The following AKAP19 variants were observed in gnomAD, a reference collection of about 807,000 sequenced individuals.
AKAP19 encodes A-kinase anchoring protein 19, also known as small A-kinase anchoring protein.
chr2:190,051,185 C>T, the AKAP19 span, among the ~76,000 whole-genome samples: 1 of 152,192 alleles, frequency 6.6e-6, no homozygotes, highest in Non-Finnish European at 1.5e-5. Flanking sequence ...TGAGCCTCAA[C>T]TTCCTCATTT....
At chr2:190,088,859 C>T in the AKAP19 span, among the ~76,000 whole-genome samples, 2 of 152,192 alleles carry the variant, frequency 1.3e-5, no homozygotes, top group Non-Finnish European at 2.9e-5. Flanking sequence ...TGACCTAAAG[C>T]AAGTCATTTA....
At chr2:190,147,843 T>A in the AKAP19 span, among the ~76,000 whole-genome samples, 1 of 152,274 alleles carries the variant, frequency 6.6e-6, no homozygotes, top group South Asian at 2.1e-4. Context: ...AGCTACTGAT[T>A]TGTGTACATT....
the AKAP19 span, among the ~76,000 whole-genome samples, chr2:190,158,153 C>A: frequency 6.6e-6 from 1 of 152,182 alleles, no homozygotes; most frequent in Non-Finnish European, 1.5e-5. Flanking sequence ...CAATCACGAC[C>A]CTTTCATGTA....
At chr2:190,178,411 G>T in the AKAP19 span, among the ~76,000 whole-genome samples, 1 of 152,248 alleles carries the variant, frequency 6.6e-6, no homozygotes, top group Admixed American at 6.5e-5. The surrounding 1 kb of genome is among the most constrained non-coding windows in gnomAD (Gnocchi z 6.3). Flanking sequence ...ACAGAGAGGA[G>T]AGCAGAGAGG....
the AKAP19 span, among the ~76,000 whole-genome samples, chr2:189,982,094 A>G: frequency 6.6e-6 from 1 of 152,124 alleles, no homozygotes; most frequent in African/African-American, 2.4e-5. Context: ...TCCCTAAAAT[A>G]TATTTTTGAA....
the AKAP19 span, among the ~76,000 whole-genome samples, chr2:190,143,680 C>A: frequency 4.6e-5 from 7 of 151,942 alleles, no homozygotes; most frequent in Non-Finnish European, 1.0e-4. Flanking sequence ...GGTATATACC[C>A]AAAGGACTAT....
chr2:190,121,107 C>G, the AKAP19 span, among the ~76,000 whole-genome samples: 1 of 145,772 alleles, frequency 6.9e-6, no homozygotes, highest in Non-Finnish European at 1.5e-5. Flanking sequence ...AACTAAAAAT[C>G]TAAGTCTTTT....
At chr2:190,078,185 C>G in the AKAP19 span, among the ~76,000 whole-genome samples, 1 of 152,180 alleles carries the variant, frequency 6.6e-6, no homozygotes, top group Non-Finnish European at 1.5e-5. Flanking sequence ...GATGGCTTTT[C>G]TCTTAGTTTT....
chr2:189,894,051 G>C, the AKAP19 span, among the ~76,000 whole-genome samples: 3 of 152,160 alleles, frequency 2.0e-5, no homozygotes, highest in Non-Finnish European at 1.5e-5. Context: ...ACTGGTGGAA[G>C]GGTCTGGCTT....
At chr2:189,897,075 A>C in the AKAP19 span, among the ~76,000 whole-genome samples, 1 of 152,072 alleles carries the variant, frequency 6.6e-6, no homozygotes, top group Non-Finnish European at 1.5e-5. Flanking sequence ...TACTTCCTCT[A>C]TGTTGAATGG....
At chr2:190,176,886 A>G in the AKAP19 span, among the ~76,000 whole-genome samples, 19,950 of 152,256 alleles carry the variant, frequency 0.13, 2,983 homozygotes, top group African/African-American at 0.36. The surrounding 1 kb of genome is among the most constrained non-coding windows in gnomAD (Gnocchi z 4.7). Context: ...AGGTAAGTTC[A>G]CTGTTTTGGA....
At chr2:190,101,834 T>C in the AKAP19 span, among the ~76,000 whole-genome samples, 2 of 152,128 alleles carry the variant, frequency 1.3e-5, no homozygotes, top group Non-Finnish European at 2.9e-5. Context: ...ATTCAAAACT[T>C]GACCTATCTA....
chr2:190,049,944 A>T, the AKAP19 span, among the ~76,000 whole-genome samples: 4 of 152,238 alleles, frequency 2.6e-5, no homozygotes, highest in African/African-American at 7.2e-5. Flanking sequence ...TAAAAATAAT[A>T]ACTCTAGTTT....
At chr2:190,086,971 A>G in the AKAP19 span, among the ~76,000 whole-genome samples, 2 of 152,208 alleles carry the variant, frequency 1.3e-5, no homozygotes, top group Admixed American at 1.3e-4. Context: ...TTTCCTGGAA[A>G]AAGTATTCCT....
At chr2:189,942,677 G>A in the AKAP19 span, among the ~76,000 whole-genome samples, 1 of 152,236 alleles carries the variant, frequency 6.6e-6, no homozygotes, top group Admixed American at 6.5e-5. Flanking sequence ...AAGTGATATG[G>A]ACAATGAAGT....
chr2:190,148,642 A>G, the AKAP19 span, among the ~76,000 whole-genome samples: 9 of 152,154 alleles, frequency 5.9e-5, no homozygotes, highest in Non-Finnish European at 8.8e-5. Flanking sequence ...GTCCTGGACG[A>G]TTTTTGTTGG....
the AKAP19 span, among the ~76,000 whole-genome samples, chr2:190,019,299 G>A: frequency 7.9e-5 from 12 of 152,234 alleles, 1 homozygote; most frequent in East Asian, 1.7e-3. Context: ...CTCTGAGGCT[G>A]AGTCAAGTGC....
the AKAP19 span, among the ~76,000 whole-genome samples, chr2:190,020,941 A>T: frequency 6.6e-6 from 1 of 152,206 alleles, no homozygotes; most frequent in Non-Finnish European, 1.5e-5. Context: ...CATTAGCATA[A>T]TGTTATATTA....
chr2:189,919,119 G>T, the AKAP19 span, among the ~76,000 whole-genome samples: 1 of 152,178 alleles, frequency 6.6e-6, no homozygotes, highest in Non-Finnish European at 1.5e-5. Flanking sequence ...GCAGTTTTAG[G>T]CATCCACTGA....
Sources: gnomAD v4.1 joint callset for allele counts (sites outside exome capture counted in the v4.1 genomes callset) on GRCh38, gnomAD v4.1.1 for gene constraint, Gnocchi (gnomAD v3.1) non-coding constraint, MANE v1.5 for transcripts, NCBI Gene and HGNC (gene_info 2026-07-23, HGNC 2026-07-21) for gene names.